Variants in LRRC4C observed in about 807,000 individuals in gnomAD.
LRRC4C encodes the protein leucine-rich repeat-containing protein 4C.
A neutral mutation model predicts 33.6 loss-of-function variants in LRRC4C; 5 were observed. That is an observed-to-expected ratio of 0.15 (90% CI 0.08 to 0.31). LRRC4C has a LOEUF of 0.31. LRRC4C is among the 10% of genes least tolerant of loss of function. The probability of loss-of-function intolerance (pLI) is 1.00; values close to 1 mark genes in which losing one functional copy is unlikely to be tolerated. For missense variants in LRRC4C, 560 were observed against 796.7 expected (o/e 0.70, Z 3.58); for synonymous variants, 329 against 302.0 (o/e 1.09, Z -0.93).
chr11:40,986,133 A>G (rs944032715), intron 1 of LRRC4C, among the ~76,000 whole-genome samples: 1 of 152,214 alleles, frequency 6.6e-6, no homozygotes, highest in Non-Finnish European at 1.5e-5. Flanking sequence ...AATTGTTTCA[A>G]AATAAAAATA....
chr11:40,298,449 T>G (rs998011760), intron 4 of LRRC4C, among the ~76,000 whole-genome samples: 6 of 150,496 alleles, frequency 4.0e-5, no homozygotes, highest in Admixed American at 1.3e-4. Context: ...CACATGCATC[T>G]CTCTCTCTCT....
intron 2 of LRRC4C, among the ~76,000 whole-genome samples, chr11:40,731,268 G>T (rs1947569850): frequency 6.6e-6 from 1 of 152,224 alleles, no homozygotes; most frequent in African/African-American, 2.4e-5. Context: ...GCAGTGAGCT[G>T]AGATCACGCC....
intron 3 of LRRC4C, among the ~76,000 whole-genome samples, chr11:40,631,887 C>T (rs1158345929): frequency 6.6e-6 from 1 of 152,096 alleles, no homozygotes; most frequent in Non-Finnish European, 1.5e-5. Context: ...ATTATAATTG[C>T]TAGTATAATT....
chr11:40,926,682 T>A (rs182356618), intron 2 of LRRC4C, among the ~76,000 whole-genome samples: 15 of 151,646 alleles, frequency 9.9e-5, no homozygotes, highest in African/African-American at 3.1e-4. Context: ...ATACTTTTTT[T>A]AAAATTATAC....
intron 1 of LRRC4C, among the ~76,000 whole-genome samples, chr11:41,063,138 G>T (rs1257589827): frequency 3.3e-5 from 5 of 152,144 alleles, no homozygotes; most frequent in Non-Finnish European, 7.3e-5. Context: ...TAAATTTTTG[G>T]CAAACAGCAT....
chr11:41,034,121 G>T (rs1359896057), intron 1 of LRRC4C, among the ~76,000 whole-genome samples: 3 of 151,968 alleles, frequency 2.0e-5, no homozygotes, highest in African/African-American at 7.2e-5. Flanking sequence ...TGGAAACTTG[G>T]ATTAATGGAA....
In LRRC4C at chr11:40,330,390, T is replaced by C. The variant is rs189434010; in HGVS notation, c.-269-10669A>G. 2.6e-5 allele frequency among the ~76,000 whole-genome samples: 4 copies of C among 152,316 alleles called. No individual in the cohort carries two copies. In the East Asian group the frequency reaches 7.7e-4, roughly 29 times the overall value. On this transcript the variant is annotated intron_variant, in intron 3 of 6. Transcript: ENST00000528697. Reference sequence around the variant, plus strand: ...GGGTACAGGGTGATATTTTGATGCATGTATACAATGTGTAATGATCAAGTA... The same window carrying C: ...GGGTACAGGGTGATATTTTGATGCACGTATACAATGTGTAATGATCAAGTA...
intron 2 of LRRC4C, among the ~76,000 whole-genome samples, chr11:40,803,610 T>G (rs1440597971): frequency 6.6e-6 from 1 of 152,066 alleles, no homozygotes; most frequent in Non-Finnish European, 1.5e-5. Context: ...TTTAATTAAT[T>G]AATGAATTTA....
rs553241527 is a variant in LRRC4C, at chr11:40,222,760, C to T, written c.-96+18759G>A. On this transcript the variant is annotated intron_variant, in intron 5 of 6. Transcript: ENST00000528697. ...CTCAAAGTGGATTAGGATGACTCCA[C>T]AGGGAAGATTCCAGGCAAGCACCAT... Among the ~76,000 whole-genome samples, 12 of 152,252 alleles carry T rather than the reference C, an allele frequency of 7.9e-5. No individual in the cohort carries two copies. The South Asian group carries it at 1.5e-3, about 18-fold the overall frequency.
At chr11:41,234,192 T>A (rs1228714202) in intron 1 of LRRC4C, among the ~76,000 whole-genome samples, 1 of 152,060 alleles carries the variant, frequency 6.6e-6, no homozygotes, top group East Asian at 1.9e-4. Context: ...CCAAGTCTGT[T>A]CAGTGCTAAA....
chr11:40,164,853 A>T (rs112644630), intron 5 of LRRC4C, among the ~76,000 whole-genome samples: 11 of 152,234 alleles, frequency 7.2e-5, no homozygotes, highest in African/African-American at 2.7e-4. Context: ...TCAATATATC[A>T]TATGCACCCC....
chr11:40,569,608 T>A (rs1170373795), intron 3 of LRRC4C, among the ~76,000 whole-genome samples: 3 of 152,142 alleles, frequency 2.0e-5, no homozygotes, highest in African/African-American at 7.2e-5. Flanking sequence ...TCCAGTTTTT[T>A]TGGACTATAA....
intron 2 of LRRC4C, among the ~76,000 whole-genome samples, chr11:40,901,385 T>A (rs1257170406): frequency 6.6e-6 from 1 of 152,112 alleles, no homozygotes; most frequent in African/African-American, 2.4e-5. Flanking sequence ...TAAAAACATA[T>A]TGATACTCCA....
chr11:40,241,798 T>C (rs961744851), intron 4 of LRRC4C, 200 bp from the exon 5 acceptor site: 5 of 152,356 alleles, frequency 3.3e-5, no homozygotes, highest in Non-Finnish European at 5.9e-5. Context: ...AGCTTGATAC[T>C]TTAGAACCAC....
At chr11:40,728,539 T>C (rs991097060) in intron 2 of LRRC4C, among the ~76,000 whole-genome samples, 1 of 143,778 alleles carries the variant, frequency 7.0e-6, no homozygotes, top group African/African-American at 2.6e-5. Flanking sequence ...GGCGGGAGAA[T>C]GGTATGAACC....
rs184799562 is a variant in LRRC4C at position 40,785,668 on chromosome 11, G to A, written c.-406-137390C>T. ...CTATCCTTTGGTGGGATGAGGTAAG[G>A]TGCTGTCTTTTCAAAATACACAAAA... On this transcript the variant is annotated intron_variant, in intron 2 of 6. Coordinates refer to ENST00000528697, the MANE Select transcript of LRRC4C (RefSeq NM_001258419.2). Among the ~76,000 whole-genome samples the A allele has an allele frequency of 9.1e-4, 139 of 152,244 alleles. 1 individual carries two copies. The highest frequency in any genetic ancestry group is 9.0e-3 in the Admixed American group (137 of 15,290).
At chr11:40,441,108 G>A (rs990647423) in intron 3 of LRRC4C, among the ~76,000 whole-genome samples, 5 of 152,102 alleles carry the variant, frequency 3.3e-5, no homozygotes, top group South Asian at 2.1e-4. Flanking sequence ...CATTCTGTTG[G>A]GTTTGATGTC....
chr11:41,094,718 C>A (rs1940694376), intron 1 of LRRC4C, among the ~76,000 whole-genome samples: 1 of 152,016 alleles, frequency 6.6e-6, no homozygotes, highest in African/African-American at 2.4e-5. Context: ...AAAATGTAAG[C>A]CCTATACAAG....
At chr11:40,769,003 A>C (rs756920457) in intron 2 of LRRC4C, among the ~76,000 whole-genome samples, 2 of 152,082 alleles carry the variant, frequency 1.3e-5, no homozygotes, top group Non-Finnish European at 2.9e-5. Flanking sequence ...AAAATATTAA[A>C]AATTAAGGGC....
Sources: allele counts gnomAD v4.1 joint callset (sites outside exome capture counted in the v4.1 genomes callset), GRCh38; gene constraint gnomAD v4.1.1; transcripts MANE v1.5; gene names NCBI Gene and HGNC (gene_info 2026-07-23, HGNC 2026-07-21).